The following ARL6IP6 variants were observed in gnomAD, a reference collection of about 807,000 sequenced individuals.
ARL6IP6 encodes ARF like GTPase 6 interacting protein 6.
In ARL6IP6, 22 loss-of-function variants were observed where a neutral mutation model predicts 21.5. That is an observed-to-expected ratio of 1.02 (90% CI 0.73 to 1.46). The LOEUF is 1.46. Among genes scored for constraint, ARL6IP6 ranks in the 40% most tolerant of loss-of-function variants. The pLI is 0.00. For synonymous variants in ARL6IP6, 164 were observed against 125.3 expected, an observed-to-expected ratio of 1.31 and a Z score of -2.06; for missense variants, 388 against 299.8, an observed-to-expected ratio of 1.29 and a Z score of -2.17.
intron 3 of ARL6IP6, among the ~76,000 whole-genome samples, chr2:152,759,433 G>C (rs1417151760): frequency 6.6e-6 from 1 of 152,136 alleles, no homozygotes; most frequent in Non-Finnish European, 1.5e-5. Context: ...TTATACCTTA[G>C]AATTAGGTTA....
intron 3 of ARL6IP6, among the ~76,000 whole-genome samples, chr2:152,741,103 G>A (rs1700787492): frequency 6.6e-6 from 1 of 151,976 alleles, no homozygotes; most frequent in East Asian, 1.9e-4. Flanking sequence ...GACAGGTTAT[G>A]TATTTTATCA....
intron 1 of ARL6IP6, among the ~76,000 whole-genome samples, chr2:152,719,308 T>C (rs1164765998): frequency 8.5e-5 from 13 of 152,110 alleles, no homozygotes; most frequent in Admixed American, 8.5e-4. Context: ...GGATGAAATA[T>C]TGTGAAGATT....
intron 3 of ARL6IP6, 44 bp downstream of exon 3, chr2:152,735,170 CT>C (rs1183313124): frequency 6.2e-7 from 1 of 1,601,284 alleles, no homozygotes; most frequent in Non-Finnish European, 8.5e-7. Flanking sequence ...TGCATTTCAA[CT>C]CTTGAAAATA....
intron 3 of ARL6IP6, among the ~76,000 whole-genome samples, chr2:152,752,734 C>G (rs541460087): frequency 1.4e-4 from 22 of 152,258 alleles, no homozygotes; most frequent in African/African-American, 4.8e-4. Flanking sequence ...TTTGCCCTTT[C>G]CATCTGAGAT....
intron 3 of ARL6IP6, among the ~76,000 whole-genome samples, chr2:152,752,102 A>T (rs1701361599): frequency 6.6e-6 from 1 of 152,230 alleles, no homozygotes; most frequent in Admixed American, 6.5e-5. Flanking sequence ...TTCTGGGATT[A>T]GGTCCTTTCC....
Position 152,760,852 on chromosome 2 carries a change from T to C in ARL6IP6, c.*1012T>C, listed in dbSNP as rs1701809632. On this transcript the variant is annotated 3_prime_UTR_variant, in exon 4 of 4. Coordinates refer to ENST00000326446, the MANE Select transcript of ARL6IP6 (RefSeq NM_152522.7). ...AGAAAAGGTATTTTGATACTAGATA[T>C]TAAAAACTACATATAGTTAATATAA... The C allele has an allele frequency of 2.6e-5, 4 of 152,066 alleles. No homozygotes were observed. The highest frequency in any genetic ancestry group is 9.7e-5 in the African/African-American group (4 of 41,436). The allele number at this position is 152,066 out of a possible 1,614,324, so 9.4% of individuals were successfully genotyped here. A position where few individuals can be genotyped will look rare whatever the true frequency, so the allele number is the denominator to read the frequency against.
chr2:152,717,858 G>A (rs1204983817), upstream of ARL6IP6: 7 of 1,089,840 alleles, frequency 6.4e-6, no homozygotes, highest in East Asian at 2.5e-4. Context: ...AGGGTGGAGG[G>A]GGCGGGGGTA....
At chr2:152,754,337 G>C (rs1355501434) in intron 3 of ARL6IP6, among the ~76,000 whole-genome samples, 2 of 151,736 alleles carry the variant, frequency 1.3e-5, no homozygotes, top group Admixed American at 1.3e-4. Context: ...GTAGTCTTTT[G>C]TGTTTACTCC....
upstream of ARL6IP6, chr2:152,718,213 G>T (rs1699300300): frequency 2.2e-6 from 1 of 455,656 alleles, no homozygotes; most frequent in Non-Finnish European, 2.9e-6. Context: ...ATGTGTCTCC[G>T]AGGGCGCGAG....
intron 2 of ARL6IP6, among the ~76,000 whole-genome samples, chr2:152,724,123 AAAAAGAGAG>A (rs912501056): frequency 7.0e-5 from 10 of 141,960 alleles, no homozygotes; most frequent in South Asian, 2.2e-4. Flanking sequence ...AAAAAAAAAA[AAAAAGAGAG>A]AAAGCCAAAA....
chr2:152,756,931 A>AGTGCAGATTCCCACCACC, intron 3 of ARL6IP6, among the ~76,000 whole-genome samples: 1 of 152,286 alleles, frequency 6.6e-6, no homozygotes, highest in African/African-American at 2.4e-5. Flanking sequence ...AAGAGAAATA[A>AGTGCAGATTCCCACCACC]GTGCAGATTC....
At chr2:152,747,960 CA>C (rs1467204383) in intron 3 of ARL6IP6, among the ~76,000 whole-genome samples, 1 of 152,138 alleles carries the variant, frequency 6.6e-6, no homozygotes, top group Non-Finnish European at 1.5e-5. Flanking sequence ...CTCAGCCTTC[CA>C]AAGTGTTGGG....
chr2:152,754,121 A>G (rs1421662624), intron 3 of ARL6IP6, among the ~76,000 whole-genome samples: 1 of 152,062 alleles, frequency 6.6e-6, no homozygotes, highest in African/African-American at 2.4e-5. Context: ...ATTTTCACTA[A>G]AAACTACTGA....
intron 2 of ARL6IP6, 95 bp from the exon 3 acceptor site, chr2:152,734,899 G>T: frequency 1.6e-6 from 2 of 1,247,222 alleles, no homozygotes; most frequent in South Asian, 3.2e-5. Context: ...TTTAGAAGAT[G>T]AGAAATATAC....
intron 2 of ARL6IP6, among the ~76,000 whole-genome samples, chr2:152,724,288 A>G (rs1699934623): frequency 6.6e-6 from 1 of 152,198 alleles, no homozygotes; most frequent in Non-Finnish European, 1.5e-5. Flanking sequence ...AAGTTTAGAG[A>G]ATAATGTTTC....
chr2:152,725,303 C>G (rs1438139412), intron 2 of ARL6IP6, among the ~76,000 whole-genome samples: 1 of 152,088 alleles, frequency 6.6e-6, no homozygotes, highest in Non-Finnish European at 1.5e-5. Flanking sequence ...CTCATCAATT[C>G]TCAACTATGG....
intron 3 of ARL6IP6, among the ~76,000 whole-genome samples, chr2:152,756,226 C>G (rs1701587959): frequency 6.6e-6 from 1 of 152,142 alleles, no homozygotes; most frequent in African/African-American, 2.4e-5. Context: ...GTATTTAGGT[C>G]TTTGGTCTAT....
At chr2:152,717,746 T>C (rs1699202775), upstream of ARL6IP6, 4 of 1,307,224 alleles carry the variant, frequency 3.1e-6, no homozygotes, top group African/African-American at 4.5e-5. Flanking sequence ...TTCCCGAGCT[T>C]AGACCGCCTC....
chr2:152,752,848 G>T (rs1701401162), intron 3 of ARL6IP6, among the ~76,000 whole-genome samples: 1 of 152,176 alleles, frequency 6.6e-6, no homozygotes, highest in African/African-American at 2.4e-5. Flanking sequence ...TTTAAGAAGT[G>T]TGCCTTAATT....
Sources: allele counts gnomAD v4.1 joint callset (sites outside exome capture counted in the v4.1 genomes callset), GRCh38; gene constraint gnomAD v4.1.1; transcripts MANE v1.5; gene names NCBI Gene and HGNC (gene_info 2026-07-23, HGNC 2026-07-21).